Variants in DIS3L2 observed in about 807,000 individuals in gnomAD.
The protein encoded by DIS3L2 is DIS3-like exonuclease 2.
DIS3L2 carries 34 observed loss-of-function variants against 97.5 expected under a neutral mutation model. The ratio of observed to expected loss-of-function variants is 0.35; its 90% CI spans 0.27 to 0.46. The LOEUF is 0.46. Among genes scored for constraint, DIS3L2 ranks in the 20% least tolerant of loss-of-function variants. DIS3L2 has a pLI of 1.00. For missense variants in DIS3L2, 1,038 were observed against 1,146.0 expected (o/e 0.91, Z 1.36); for synonymous variants, 435 against 445.2 (o/e 0.98, Z 0.29).
chr2:232,250,674 G>C (rs962517693), intron 12 of DIS3L2, among the ~76,000 whole-genome samples: 1 of 152,126 alleles, frequency 6.6e-6, no homozygotes, highest in Admixed American at 6.5e-5. Flanking sequence ...CTCTAGACAG[G>C]GTAAAGTAAG....
rs1692856726 is a variant in DIS3L2 at position 231,970,180 on chromosome 2, A to C, written c.-94+8415A>C. 1.3e-5 allele frequency among the ~76,000 whole-genome samples: 2 copies of C among 152,024 alleles called. 1 individual carries two copies. The highest frequency in any genetic ancestry group is 4.2e-4 in the South Asian group (2 of 4,816). On this transcript the variant is annotated intron_variant, in intron 1 of 20. Coordinates refer to ENST00000325385, the MANE Select transcript of DIS3L2 (RefSeq NM_152383.5). The stretch of plus-strand genomic sequence containing the variant: ...CGAGGCTGGCCTTGAACTCCTGAGC[A>C]CAAGCAGTCCTCCCACTGTCACCTC...
chr2:232,285,999 T>C lies in DIS3L2; in HGVS notation c.1660-14041T>C, dbSNP rs575016174. Among the ~76,000 whole-genome samples, 3 of 152,306 alleles carry C rather than the reference T, an allele frequency of 2.0e-5. No individual in the cohort carries two copies. In the South Asian group the frequency reaches 6.2e-4, roughly 32 times the overall value. Reference sequence around the variant, plus strand: ...AGAATAACTGAGAAGAATCAGGCCATGATAGAAGCAATTTTCATGTATCCA... The same window carrying C: ...AGAATAACTGAGAAGAATCAGGCCACGATAGAAGCAATTTTCATGTATCCA... On this transcript the variant is annotated intron_variant, in intron 13 of 20. Transcript: ENST00000325385.
intron 13 of DIS3L2, among the ~76,000 whole-genome samples, chr2:232,291,013 C>G (rs1214634907): frequency 2.0e-5 from 3 of 152,168 alleles, no homozygotes; most frequent in Admixed American, 2.0e-4. Flanking sequence ...CTTGCTCTTT[C>G]TCACTCTTAT....
chr2:231,994,497 A>G (rs1693674815), intron 1 of DIS3L2, among the ~76,000 whole-genome samples: 1 of 152,148 alleles, frequency 6.6e-6, no homozygotes, highest in African/African-American at 2.4e-5. Context: ...GTCATGGTCT[A>G]CTAGTGTCAA....
intron 5 of DIS3L2, among the ~76,000 whole-genome samples, chr2:232,066,333 T>C (rs1305811723): frequency 1.3e-5 from 2 of 152,054 alleles, no homozygotes; most frequent in African/African-American, 4.8e-5. Flanking sequence ...ATTTTCATCA[T>C]GAATAGAAGT....
downstream of DIS3L2, among the ~76,000 whole-genome samples, chr2:232,340,148 G>A (rs1696073603): frequency 6.6e-6 from 1 of 152,216 alleles, no homozygotes; most frequent in Admixed American, 6.5e-5. Context: ...GCAAGAAAGG[G>A]AGGATTTTAA....
intron 1 of DIS3L2, among the ~76,000 whole-genome samples, chr2:231,966,429 C>G (rs1692717276): frequency 6.6e-6 from 1 of 151,510 alleles, no homozygotes; most frequent in Non-Finnish European, 1.5e-5. Flanking sequence ...CTTGCCCTCC[C>G]AAAGTGCTGG....
intron 5 of DIS3L2, among the ~76,000 whole-genome samples, chr2:232,070,464 G>T (rs1214880098): frequency 2.0e-5 from 3 of 152,158 alleles, no homozygotes; most frequent in Non-Finnish European, 4.4e-5. Context: ...GCTACTGAGA[G>T]AACTCTAGTT....
intron 11 of DIS3L2, among the ~76,000 whole-genome samples, chr2:232,246,064 C>G (rs898670914): frequency 6.6e-6 from 1 of 152,138 alleles, no homozygotes; most frequent in Non-Finnish European, 1.5e-5. Flanking sequence ...GGCCCTTGCT[C>G]CTGAGGTTTC....
At chr2:232,324,914 C>T (rs559985519) in intron 14 of DIS3L2, among the ~76,000 whole-genome samples, 6 of 152,204 alleles carry the variant, frequency 3.9e-5, no homozygotes, top group Non-Finnish European at 7.3e-5. Context: ...GTCTCCATGG[C>T]AGGGCCAGGA....
chr2:232,008,582 A>G (rs559233887), intron 1 of DIS3L2, among the ~76,000 whole-genome samples: 45 of 152,278 alleles, frequency 3.0e-4, no homozygotes, highest in African/African-American at 7.7e-4. Context: ...TATTCACCCA[A>G]GAGACTTCTG....
At chr2:232,156,883 A>C (rs1025277459) in intron 8 of DIS3L2, among the ~76,000 whole-genome samples, 2 of 152,176 alleles carry the variant, frequency 1.3e-5, no homozygotes, top group African/African-American at 2.4e-5. Flanking sequence ...TATGTATGCT[A>C]TCTAATTAAT....
intron 12 of DIS3L2, among the ~76,000 whole-genome samples, chr2:232,250,297 T>C (rs1373707206): frequency 2.6e-5 from 4 of 152,108 alleles, no homozygotes; most frequent in African/African-American, 9.7e-5. Flanking sequence ...ACATTTACTT[T>C]CATTCCCTCC....
chr2:232,263,156 C>G (rs1409830878), intron 12 of DIS3L2, 51 bp from the exon 13 acceptor site: 1 of 1,583,156 alleles, frequency 6.3e-7, no homozygotes, highest in Non-Finnish European at 8.7e-7. Context: ...GAAGAAAAAC[C>G]TGAAAAACAT....
chr2:232,239,514 A>G (rs1439187078), intron 11 of DIS3L2, among the ~76,000 whole-genome samples: 3 of 152,170 alleles, frequency 2.0e-5, no homozygotes, highest in African/African-American at 7.2e-5. Flanking sequence ...TTCTTCGGCC[A>G]TATCTGGACT....
intron 1 of DIS3L2, among the ~76,000 whole-genome samples, chr2:231,969,173 T>C (rs1308837440): frequency 5.3e-5 from 8 of 152,174 alleles, no homozygotes; most frequent in African/African-American, 1.9e-4. Context: ...GAGAATGGAC[T>C]AATACACTAT....
intron 14 of DIS3L2, among the ~76,000 whole-genome samples, chr2:232,321,461 C>T (rs1019962555): frequency 6.6e-6 from 1 of 152,190 alleles, no homozygotes; most frequent in African/African-American, 2.4e-5. Flanking sequence ...TGGGCCAAGG[C>T]ATCTGAGGGG....
chr2:232,009,944 A>C (rs559090882), intron 1 of DIS3L2, among the ~76,000 whole-genome samples: 1 of 152,170 alleles, frequency 6.6e-6, no homozygotes, highest in Admixed American at 6.5e-5. Context: ...ATGGGCATGG[A>C]ATTCTTCTCC....
At chr2:232,258,580 C>G (rs1693630378) in intron 12 of DIS3L2, among the ~76,000 whole-genome samples, 1 of 116,910 alleles carries the variant, frequency 8.6e-6, no homozygotes, top group African/African-American at 3.4e-5. Flanking sequence ...GACAGAGTGA[C>G]AGAGCGAGAC....
Sources: gnomAD v4.1 joint callset for allele counts (sites outside exome capture counted in the v4.1 genomes callset) on GRCh38, gnomAD v4.1.1 for gene constraint, MANE v1.5 for transcripts, NCBI Gene and HGNC (gene_info 2026-07-23, HGNC 2026-07-21) for gene names.